Variants in ZNF280B observed in about 807,000 individuals in gnomAD.
The protein encoded by ZNF280B is suppressor of hairy wing homolog 2.
Under a neutral mutation model 38.0 loss-of-function variants are expected in ZNF280B, and 16 were observed. The ratio of observed to expected loss-of-function variants is 0.42; its 90% CI spans 0.28 to 0.64. The LOEUF is 0.64. Ranked by LOEUF, ZNF280B falls within the 30% of genes least tolerant of loss-of-function variation. The probability of loss-of-function intolerance (pLI) is 0.21; values close to 1 mark genes in which losing one functional copy is unlikely to be tolerated. For missense variants in ZNF280B, 581 were observed against 639.6 expected, an observed-to-expected ratio of 0.91 and a Z score of 0.99; for synonymous variants, 253 against 230.6, an observed-to-expected ratio of 1.10 and a Z score of -0.88.
At chr22:22,496,241 TG>T (rs1386682058) in intron 2 of ZNF280B, among the ~76,000 whole-genome samples, 3 of 149,898 alleles carry the variant, frequency 2.0e-5, no homozygotes, top group South Asian at 2.1e-4. Context: ...GGACTATAGG[TG>T]TGCGCCACCA....
Position 22,488,545 on chromosome 22 carries a change from A to G in ZNF280B, c.854T>C (p.Leu285Pro). 2 of 1,613,970 alleles carry G rather than the reference A, an allele frequency of 1.2e-6. No homozygotes were observed. The highest frequency in any genetic ancestry group is 1.7e-6 in the Non-Finnish European group (2 of 1,179,988). Residue 285 changes from leucine to proline, a missense_variant, in exon 4 of 4, where the codon CTT (leucine) becomes CCT (proline). Transcript: ENST00000626650. ...DPKKENPIVL[L>P]SDFYYGQHKG... ...ATGCTGTCCATAGTAAAAGTCACTA[A>G]GTAACACAATGGGATTTTCTTTCTT...
intron 3 of ZNF280B, among the ~76,000 whole-genome samples, chr22:22,489,817 C>T (rs112695575): frequency 9.9e-5 from 15 of 151,894 alleles, no homozygotes; most frequent in African/African-American, 3.6e-4. Context: ...CTTAGTCTGC[C>T]ACACACCAGA....
intron 2 of ZNF280B, among the ~76,000 whole-genome samples, chr22:22,503,903 G>A (rs1329870508): frequency 6.6e-6 from 1 of 151,780 alleles, no homozygotes; most frequent in Non-Finnish European, 1.5e-5. Context: ...TGTAACTTGG[G>A]TCTCTGCGAC....
chr22:22,489,433 C>T lies in ZNF280B; in HGVS notation c.-35G>A. On this transcript the variant is annotated 5_prime_UTR_variant, in exon 4 of 4. In the 5' UTR this introduces an upstream ATG that the reference lacks. Coordinates refer to ENST00000626650, the MANE Select transcript of ZNF280B (RefSeq NM_080764.4). Reference sequence around the variant, plus strand: ...TTTTTATTCCTGAATGGTGGGGCCACAAGTCCCAATGCTTCCTTTATATAA... The same window carrying T: ...TTTTTATTCCTGAATGGTGGGGCCATAAGTCCCAATGCTTCCTTTATATAA... 6.5e-7 allele frequency: 1 copy of T among 1,549,110 alleles called. No homozygotes were observed. Among genetic ancestry groups the T allele is most frequent in the Non-Finnish European group, 8.7e-7 (1 of 1,151,508 alleles).
At chr22:22,501,019 C>CAAAAAAA (rs56907724) in intron 2 of ZNF280B, among the ~76,000 whole-genome samples, 718 of 58,840 alleles carry the variant, frequency 0.012, no homozygotes, top group Non-Finnish European at 0.019. Context: ...GACTCCGTCT[C>CAAAAAAA]AAAAAAAAAA....
Position 22,488,916 on chromosome 22 carries a change from T to A in ZNF280B, c.483A>T (p.Ser161=), listed in dbSNP as rs2061540647. 3.7e-6 allele frequency: 6 copies of A among 1,613,654 alleles called. No homozygotes were observed. The highest frequency in any genetic ancestry group is 5.1e-6 in the Non-Finnish European group (6 of 1,179,986). Residue 161 remains serine, a synonymous_variant, in exon 4 of 4, where the codon TCA becomes TCT. Coordinates refer to ENST00000626650, the MANE Select transcript of ZNF280B (RefSeq NM_080764.4). ...SLHHPVSTAL[S]VGGINESPRV... Reference sequence around the variant, plus strand: ...GAGGACTTTCATTTATACCTCCTACTGAAAGTGCTGTACTTACTGGATGAT... The same window carrying A: ...GAGGACTTTCATTTATACCTCCTACAGAAAGTGCTGTACTTACTGGATGAT...
rs1197799252 is a variant in ZNF280B at position 22,485,472 on chromosome 22, T to C, written c.*2295A>G. On this transcript the variant is annotated 3_prime_UTR_variant, in exon 4 of 4. Transcript: ENST00000626650. Reference sequence around the variant, plus strand: ...AGTGTCTTAACCCAAGCAACGTAACTGAAAAGACCTAGTATAGTGTTCAAG... The same window carrying C: ...AGTGTCTTAACCCAAGCAACGTAACCGAAAAGACCTAGTATAGTGTTCAAG... 6.6e-6 allele frequency: 1 copy of C among 151,936 alleles called. No homozygotes were observed. Among genetic ancestry groups the C allele is most frequent in the Non-Finnish European group, 1.5e-5 (1 of 68,018 alleles). 9.4% of individuals were successfully genotyped at this position (151,936 alleles called of 1,614,324 possible).
intron 2 of ZNF280B, among the ~76,000 whole-genome samples, chr22:22,495,011 C>A (rs1293849335): frequency 6.6e-6 from 1 of 151,980 alleles, no homozygotes; most frequent in African/African-American, 2.4e-5. Context: ...CAGGCGTGAG[C>A]CACCGTGCCC....
At chr22:22,498,113 T>G (rs954206166) in intron 2 of ZNF280B, among the ~76,000 whole-genome samples, 4 of 151,978 alleles carry the variant, frequency 2.6e-5, no homozygotes, top group African/African-American at 9.7e-5. Flanking sequence ...AAAGCTCATA[T>G]ATTGTATGAT....
At position 22,494,177 on chromosome 22, in the gene ZNF280B, C is replaced by A. The variant is rs2061650883; in HGVS notation, c.-183G>T. On this transcript the variant is annotated 5_prime_UTR_variant, in exon 3 of 4. Transcript: ENST00000626650. ...TCCAGCATCTTGATCTTGAACTTCC[C>A]AGCCTAAAAATGTGAGAAATGAATT... 1 of 151,916 alleles carries A rather than the reference C, an allele frequency of 6.6e-6. No individual in the cohort carries two copies. Among genetic ancestry groups the A allele is most frequent in the Non-Finnish European group, 1.5e-5 (1 of 68,008 alleles). The allele number at this position is 151,916 out of a possible 1,614,324, so 9.4% of individuals were successfully genotyped here.
In ZNF280B at chr22:22,487,127, T is replaced by G. The variant is rs949333074; in HGVS notation, c.*640A>C. The G allele has an allele frequency of 4.0e-5, 6 of 151,774 alleles. No individual in the cohort carries two copies. Among genetic ancestry groups the G allele is most frequent in the African/African-American group, 1.5e-4 (6 of 41,318 alleles). 9.4% of individuals were successfully genotyped at this position (151,774 alleles called of 1,614,324 possible). On this transcript the variant is annotated 3_prime_UTR_variant, in exon 4 of 4. Coordinates refer to ENST00000626650, the MANE Select transcript of ZNF280B (RefSeq NM_080764.4). ...ATATAGAAAAAAGAGCTTTCAAGCT[T>G]AGGAGTAACATGAAATACCAAAACA...
At position 22,488,520 on chromosome 22, in the gene ZNF280B, A is replaced by C; in HGVS notation, c.879T>G (p.His293Gln). 2.5e-6 allele frequency: 4 copies of C among 1,613,924 alleles called. No individual in the cohort carries two copies. The highest frequency in any genetic ancestry group is 3.4e-6 in the Non-Finnish European group (4 of 1,179,990). The change falls in exon 4 of 4, where the codon CAT becomes CAG. Residue 293 changes from histidine (H) to glutamine (Q), a missense_variant. By Grantham distance (24) the His-to-Gln change is conservative. Transcript: ENST00000626650. ...VLLSDFYYGQ[H>Q]KGEGQPEQKT... The stretch of plus-strand genomic sequence containing the variant: ...TCTGTTCCGGCTGCCCTTCTCCTTT[A>C]TGCTGTCCATAGTAAAAGTCACTAA...
At chr22:22,501,035 A>C (rs1474027311) in intron 2 of ZNF280B, among the ~76,000 whole-genome samples, 9,200 of 140,340 alleles carry the variant, frequency 0.066, 971 homozygotes, top group African/African-American at 0.22. Context: ...AAAAAAAAAA[A>C]AAAAAACAAA....
At chr22:22,493,382 T>A (rs1302370067) in intron 3 of ZNF280B, among the ~76,000 whole-genome samples, 1 of 151,988 alleles carries the variant, frequency 6.6e-6, no homozygotes, top group Non-Finnish European at 1.5e-5. Context: ...GTAGACAGAG[T>A]TAGCACTAAG....
At position 22,489,119 on chromosome 22, in the gene ZNF280B, C is replaced by T. The variant is rs747737989; in HGVS notation, c.280G>A (p.Val94Ile). 57 of 1,613,858 alleles carry T rather than the reference C, an allele frequency of 3.5e-5. No homozygotes were observed. The highest frequency in any genetic ancestry group is 1.8e-4 in the East Asian group (8 of 44,788). The change falls in exon 4 of 4, where the codon GTT (valine) becomes ATT (isoleucine). Residue 94 changes from valine to isoleucine, a missense_variant. Val to Ile is a conservative substitution (Grantham distance 29, BLOSUM62 3). Coordinates refer to ENST00000626650, the MANE Select transcript of ZNF280B (RefSeq NM_080764.4). ...AGGACGGTCACTGCTTCTGATGTAA[C>T]GGTCTCATGACTTTTAGGCTGCAAT... is the stretch of plus-strand genomic sequence containing the variant. ...RKLQPKSHET[V>I]TSEAVTVLPA... is the part of the protein sequence containing the mutation.
chr22:22,491,454 TTTC>T (rs1281306881), intron 3 of ZNF280B, among the ~76,000 whole-genome samples: 1 of 81,920 alleles, frequency 1.2e-5, no homozygotes, highest in Non-Finnish European at 2.1e-5. Flanking sequence ...TCTTGTCTTT[TTTC>T]TTTTTTTTTT....
rs1269502167 is a variant in ZNF280B at position 22,488,189 on chromosome 22, CAT to C, written c.1208_1209del (p.Tyr403CysfsTer8). On this transcript the variant is annotated frameshift_variant, in exon 4 of 4. Coordinates refer to ENST00000626650, the MANE Select transcript of ZNF280B (RefSeq NM_080764.4). LOFTEE classifies it high-confidence loss of function. ...GATCTATAATGGCAAACCTGGCACA[CAT>C]AGGGCATTTCGCCAGGCTTATGATG... Reference protein sequence around the residue: ...KDHHKPGEMPYVCQVCHYRSS... With the variant: ...KDHHKPGEMPXVCQVCHYRSS... 1 of 1,613,794 alleles carries C rather than the reference CAT, an allele frequency of 6.2e-7. No homozygotes were observed. Among genetic ancestry groups the C allele is most frequent in the African/African-American group, 1.3e-5 (1 of 74,866 alleles).
At chr22:22,503,937 C>G (rs2146852002) in intron 2 of ZNF280B, among the ~76,000 whole-genome samples, 1 of 151,994 alleles carries the variant, frequency 6.6e-6, no homozygotes, top group African/African-American at 2.4e-5. Context: ...GGGAAAAAAC[C>G]CCAGTTAAGA....
intron 2 of ZNF280B, among the ~76,000 whole-genome samples, chr22:22,504,776 T>C (rs1399654940): frequency 1.3e-5 from 2 of 152,038 alleles, no homozygotes; most frequent in East Asian, 3.9e-4. Flanking sequence ...ATCAAGAATC[T>C]GCACAGTTCT....
Sources: allele counts gnomAD v4.1 joint callset (sites outside exome capture counted in the v4.1 genomes callset), GRCh38; gene constraint gnomAD v4.1.1; transcripts MANE v1.5; gene names NCBI Gene and HGNC (gene_info 2026-07-23, HGNC 2026-07-21).